Variants in SASH1 observed in about 807,000 individuals in gnomAD.
SASH1 encodes SAM and SH3 domain-containing protein 1.
A neutral mutation model predicts 125.2 loss-of-function variants in SASH1; 44 were observed. The ratio of observed to expected loss-of-function variants is 0.35; its 90% CI spans 0.28 to 0.45. The LOEUF (loss-of-function observed/expected upper bound fraction) is 0.45. SASH1 is among the 20% of genes least tolerant of loss of function. The pLI is 1.00. For synonymous variants in SASH1, 639 were observed against 649.1 expected (o/e 0.98, Z 0.24); for missense variants, 1,426 against 1,614.5 (o/e 0.88, Z 2.00).
At chr6:148,320,548 A>C (rs1780610703) in intron 1 of SASH1, among the ~76,000 whole-genome samples, 1 of 152,222 alleles carries the variant, frequency 6.6e-6, no homozygotes, top group African/African-American at 2.4e-5. Flanking sequence ...TTACCATCCC[A>C]AAGAGGACAT....
At chr6:148,464,967 T>C (rs2115095254) in intron 4 of SASH1, among the ~76,000 whole-genome samples, 1 of 152,302 alleles carries the variant, frequency 6.6e-6, no homozygotes, top group African/African-American at 2.4e-5. Flanking sequence ...AAGCAATGCC[T>C]GGGCCAAGTC....
chr6:148,278,974 C>T (rs905355898), intron 1 of SASH1, among the ~76,000 whole-genome samples: 1 of 151,894 alleles, frequency 6.6e-6, no homozygotes, highest in African/African-American at 2.4e-5. Flanking sequence ...TAAGCAAACT[C>T]TTCATTGAGC....
At chr6:148,252,455 ATTG>A in the SASH1 span, among the ~76,000 whole-genome samples, 50 of 151,002 alleles carry the variant, frequency 3.3e-4, no homozygotes, top group East Asian at 7.6e-3. Flanking sequence ...TTTGTTTTTT[ATTG>A]TTGTTGTTGT....
intron 12 of SASH1, among the ~76,000 whole-genome samples, chr6:148,528,740 G>A (rs111426138): frequency 5.3e-5 from 8 of 152,202 alleles, no homozygotes; most frequent in Middle Eastern, 3.2e-3. Flanking sequence ...GACTGGTTTC[G>A]TGGAAGGCAA....
At chr6:148,281,429 G>T (rs1037625415) in intron 1 of SASH1, among the ~76,000 whole-genome samples, 2 of 152,084 alleles carry the variant, frequency 1.3e-5, no homozygotes, top group African/African-American at 4.8e-5. Context: ...GCTCCTGGAG[G>T]ATATGCTCCA....
chr6:148,298,968 A>G (rs575137225), intron 1 of SASH1, among the ~76,000 whole-genome samples: 1 of 152,348 alleles, frequency 6.6e-6, no homozygotes, highest in South Asian at 2.1e-4. Flanking sequence ...GCAGAGAGCC[A>G]TTAGGTTATG....
intron 2 of SASH1, among the ~76,000 whole-genome samples, chr6:148,423,291 T>C (rs1047144245): frequency 2.6e-5 from 4 of 152,242 alleles, no homozygotes; most frequent in African/African-American, 9.6e-5. Context: ...GTCAAAAGTT[T>C]ATTTATTTTA....
chr6:148,544,556 C>T lies in SASH1; in HGVS notation c.3086C>T (p.Pro1029Leu). ...GTGAAAAGGGGCAGCCCCGCCAGCC[C>T]CACCAGCCCTAGCGACTGTCCCCCA... Reference protein sequence around the residue: ...LPVKRGSPASPTSPSDCPPAL... With the variant: ...LPVKRGSPASLTSPSDCPPAL... The change falls in exon 18 of 20, where the codon CCC becomes CTC. Residue 1029 changes from proline to leucine, a missense_variant. Physicochemically the swap from Pro to Leu is moderately conservative, Grantham distance 98 (BLOSUM62 -3). This residue lies in a region of SASH1 where 634 missense variants were observed against 694.4 expected (regional missense o/e 0.91). Transcript: ENST00000367467. This position sits in a 1 kb window ranked among gnomAD's most constrained non-coding sequence, Gnocchi z 6.4. The T allele has an allele frequency of 6.2e-7, 1 of 1,613,292 alleles. No individual in the cohort carries two copies. The highest frequency in any genetic ancestry group is 8.5e-7 in the Non-Finnish European group (1 of 1,179,940).
At chr6:148,515,602 G>A (rs1727758413) in intron 9 of SASH1, among the ~76,000 whole-genome samples, 1 of 152,162 alleles carries the variant, frequency 6.6e-6, no homozygotes, top group Admixed American at 6.5e-5. Context: ...GTTGTTTTCA[G>A]TTCCGGGGTT....
chr6:148,272,431 A>C (rs1779085338), intron 1 of SASH1: 1 of 466,956 alleles, frequency 2.1e-6, no homozygotes, highest in Non-Finnish European at 4.5e-6. Context: ...GCCTTCTGAC[A>C]TTTAGACTGA....
chr6:148,524,968 A>C (rs1183899876), intron 10 of SASH1: 1 of 278,210 alleles, frequency 3.6e-6, no homozygotes, highest in African/African-American at 2.2e-5. Context: ...GGAGACAGGG[A>C]ATCTCACAGC....
chr6:148,548,592 C>T lies in SASH1; in HGVS notation c.*34C>T. ...GGAATGGGCCTCTCTGGACAAGAGC[C>T]ACCCTTTCACTGTGCATATGATGCT... On this transcript the variant is annotated 3_prime_UTR_variant, in exon 20 of 20. Coordinates refer to ENST00000367467, the MANE Select transcript of SASH1 (RefSeq NM_015278.5). The T allele has an allele frequency of 6.4e-7, 1 of 1,550,588 alleles. No homozygotes were observed. Among genetic ancestry groups the T allele is most frequent in the Non-Finnish European group, 8.7e-7 (1 of 1,151,916 alleles).
At chr6:148,241,095 A>C in the SASH1 span, among the ~76,000 whole-genome samples, 1 of 134,362 alleles carries the variant, frequency 7.4e-6, no homozygotes, top group Non-Finnish European at 1.7e-5. Context: ...CATCAAGGGG[A>C]AAAAAAATAT....
chr6:148,194,286 C>G, the SASH1 span, among the ~76,000 whole-genome samples: 25 of 152,254 alleles, frequency 1.6e-4, no homozygotes, highest in Admixed American at 9.2e-4. Flanking sequence ...CCAAACAACC[C>G]ATAGTCTGGC....
At chr6:148,425,204 T>C (rs1318746322) in intron 2 of SASH1, among the ~76,000 whole-genome samples, 1 of 152,180 alleles carries the variant, frequency 6.6e-6, no homozygotes, top group East Asian at 1.9e-4. Context: ...AGCTTCAGGA[T>C]GAACACTGCA....
chr6:148,394,541 A>G (rs753809564), intron 2 of SASH1, among the ~76,000 whole-genome samples: 2 of 152,212 alleles, frequency 1.3e-5, no homozygotes, highest in African/African-American at 2.4e-5. Flanking sequence ...CAAGTAAACA[A>G]TATGCCTTCC....
intron 2 of SASH1, among the ~76,000 whole-genome samples, chr6:148,397,233 C>T (rs1400228047): frequency 6.6e-6 from 1 of 152,070 alleles, no homozygotes; most frequent in Non-Finnish European, 1.5e-5. Context: ...GTAATCCCAG[C>T]ACTTTGGGAG....
Position 148,342,973 on chromosome 6 carries a change from C to A in SASH1, c.-95C>A. ...GCGGGGGCGCGGCTCGGTGACGCCG[C>A]GGGCGGGGACCCGGCATCCGGGCAG... is the stretch of plus-strand genomic sequence containing the variant. On this transcript the variant is annotated 5_prime_UTR_variant, in exon 1 of 20. Coordinates refer to ENST00000367467, the MANE Select transcript of SASH1 (RefSeq NM_015278.5). 1.0e-6 allele frequency: 1 copy of A among 994,266 alleles called. No homozygotes were observed. The highest frequency in any genetic ancestry group is 1.2e-6 in the Non-Finnish European group (1 of 833,610). 61.6% of individuals were successfully genotyped at this position (994,266 alleles called of 1,614,324 possible). A position where few individuals can be genotyped will look rare whatever the true frequency, so the allele number is the denominator to read the frequency against.
chr6:148,417,845 A>G (rs1784890131), intron 2 of SASH1, among the ~76,000 whole-genome samples: 1 of 152,228 alleles, frequency 6.6e-6, no homozygotes, highest in South Asian at 2.1e-4. Context: ...AATGTTGGCA[A>G]TGATGGGAAT....
Sources: gnomAD v4.1 joint callset for allele counts (sites outside exome capture counted in the v4.1 genomes callset) on GRCh38, gnomAD v4.1.1 for gene constraint, gnomAD v4.1.1 regional missense constraint, Gnocchi (gnomAD v3.1) non-coding constraint, MANE v1.5 for transcripts, NCBI Gene and HGNC (gene_info 2026-07-23, HGNC 2026-07-21) for gene names.